Variants in SNX25 observed in about 807,000 individuals in gnomAD.
The protein encoded by SNX25 is sorting nexin-25.
Under a neutral mutation model 113.7 loss-of-function variants are expected in SNX25, and 62 were observed. That is an observed-to-expected ratio of 0.55 (90% confidence interval 0.44 to 0.67). SNX25 has a LOEUF of 0.67. SNX25 is among the 30% of genes least tolerant of loss of function. SNX25 has a pLI of 0.00. For synonymous variants in SNX25, 421 were observed against 436.2 expected (o/e 0.97, Z 0.43); for missense variants, 1,014 against 1,161.0 (o/e 0.87, Z 1.84).
At chr4:185,240,081 G>A (rs548124673) in intron 1 of SNX25, among the ~76,000 whole-genome samples, 18 of 151,748 alleles carry the variant, frequency 1.2e-4, no homozygotes, top group East Asian at 3.9e-4. Context: ...ACAGGGTTGG[G>A]GGTAAGGTCA....
In SNX25 at chr4:185,253,941, G is replaced by T. The variant is rs181213735; in HGVS notation, c.515-4907G>T. Among the ~76,000 whole-genome samples, 8 of 152,324 alleles carry T rather than the reference G, an allele frequency of 5.3e-5. 1 individual carries two copies. The East Asian group carries it at 9.6e-4, about 18-fold the overall frequency. ...GCAAGGTCATTGTCAAAGTATAACA[G>T]AAATTTTATGGAGAACAGAACTTTT... is the stretch of plus-strand genomic sequence containing the variant. On this transcript the variant is annotated intron_variant, in intron 2 of 18. Coordinates refer to ENST00000652585, the MANE Select transcript of SNX25 (RefSeq NM_001378034.2).
chr4:185,292,165 T>C (rs1031797505), intron 6 of SNX25, among the ~76,000 whole-genome samples: 7 of 152,106 alleles, frequency 4.6e-5, no homozygotes, highest in Admixed American at 4.6e-4. Flanking sequence ...TAGCTGGAAC[T>C]GTATAGGTAG....
intron 1 of SNX25, among the ~76,000 whole-genome samples, chr4:185,211,190 C>G (rs2111468021): frequency 6.6e-6 from 1 of 152,306 alleles, no homozygotes; most frequent in South Asian, 2.1e-4. Flanking sequence ...GACCTGCTCA[C>G]TCCTTTATTT....
chr4:185,349,492 CT>C (rs2095305013), intron 13 of SNX25, among the ~76,000 whole-genome samples: 1 of 152,172 alleles, frequency 6.6e-6, no homozygotes, highest in African/African-American at 2.4e-5. Context: ...CCTCCATACC[CT>C]TTTTCATAAT....
rs11321386 is a variant in SNX25, at chr4:185,300,163, A to ATT, written c.1163-10459_1163-10458dup. Among the ~76,000 whole-genome samples the ATT allele has an allele frequency of 1.2e-4, 17 of 147,406 alleles. 1 individual carries two copies. The highest frequency in any genetic ancestry group is 2.2e-4 in the Non-Finnish European group (15 of 66,690). On this transcript the variant is annotated intron_variant, in intron 6 of 18. Transcript: ENST00000652585. ...GAATCATAACAATGTCCACTAGGAA[A>ATT]TTTTTTTTTTTTTTGAGGTGGAGCC... is the stretch of plus-strand genomic sequence containing the variant.
intron 1 of SNX25, among the ~76,000 whole-genome samples, chr4:185,230,690 C>A (rs1210152614): frequency 6.6e-6 from 1 of 152,076 alleles, no homozygotes; most frequent in Non-Finnish European, 1.5e-5. Flanking sequence ...TGAGCCACTG[C>A]GCCTGGCCCA....
intron 8 of SNX25, 94 bp downstream of exon 8, chr4:185,320,958 A>G (rs1418565544): frequency 1.8e-6 from 2 of 1,134,108 alleles, no homozygotes; most frequent in Non-Finnish European, 2.4e-6. Context: ...ATAAGTATAC[A>G]TTAAAAATAT....
intron 3 of SNX25, among the ~76,000 whole-genome samples, chr4:185,261,120 G>GTGTGTGTGTC (rs1325869693): frequency 0.011 from 1,161 of 103,384 alleles, 12 homozygotes; most frequent in African/African-American, 0.039. Flanking sequence ...GTCTCTGTGT[G>GTGTGTGTGTC]TGTGTGTGTG....
chr4:185,304,496 T>C (rs1469484651), intron 6 of SNX25, among the ~76,000 whole-genome samples: 2 of 152,198 alleles, frequency 1.3e-5, no homozygotes, highest in Non-Finnish European at 2.9e-5. Context: ...TAGCTGGGAT[T>C]ACAGGCATGC....
intron 6 of SNX25, among the ~76,000 whole-genome samples, chr4:185,288,907 A>G (rs1751756243): frequency 6.6e-6 from 1 of 152,208 alleles, no homozygotes; most frequent in Admixed American, 6.5e-5. Context: ...GGCCTGCTCA[A>G]GTCTCCGCCA....
chr4:185,212,323 A>C (rs1357019136), intron 1 of SNX25, among the ~76,000 whole-genome samples: 2 of 149,946 alleles, frequency 1.3e-5, no homozygotes, highest in African/African-American at 4.9e-5. Context: ...TAAATTTTTT[A>C]AGTGCATTAG....
intron 6 of SNX25, among the ~76,000 whole-genome samples, chr4:185,301,241 T>C (rs1161583710): frequency 6.6e-6 from 1 of 152,234 alleles, no homozygotes; most frequent in African/African-American, 2.4e-5. Flanking sequence ...GCCTATCCAT[T>C]GAAGCCTCCA....
At chr4:185,205,453 C>CAAA (rs1161922728), upstream of SNX25, among the ~76,000 whole-genome samples, 6 of 127,464 alleles carry the variant, frequency 4.7e-5, no homozygotes, top group African/African-American at 1.1e-4. Flanking sequence ...GACTGTGTCT[C>CAAA]AAAAAAAAAA....
At chr4:185,301,151 TG>T (rs1208888892) in intron 6 of SNX25, among the ~76,000 whole-genome samples, 4 of 152,192 alleles carry the variant, frequency 2.6e-5, no homozygotes, top group Non-Finnish European at 5.9e-5. Context: ...CGGGCCTTGC[TG>T]GGTGTCCTCC....
At chr4:185,375,660 G>C in the SNX25 span, 1 of 1,611,860 alleles carries the variant, frequency 6.2e-7, no homozygotes. Context: ...ACTCCTAGCT[G>C]GTAAGTTGCT....
upstream of SNX25, among the ~76,000 whole-genome samples, chr4:185,208,698 A>G (rs548184085): frequency 1.3e-5 from 2 of 152,178 alleles, no homozygotes; most frequent in Non-Finnish European, 1.5e-5. Context: ...ACTGCACTCC[A>G]GCCTGGGCAA....
At chr4:185,373,137 G>A (rs1429772019), downstream of SNX25, 11 of 1,453,226 alleles carry the variant, frequency 7.6e-6, no homozygotes, top group Non-Finnish European at 1.1e-5. Flanking sequence ...AATTATAAGG[G>A]AATACTAGAC....
intron 5 of SNX25, among the ~76,000 whole-genome samples, chr4:185,269,906 C>T (rs1748670306): frequency 6.6e-6 from 1 of 152,158 alleles, no homozygotes; most frequent in Non-Finnish European, 1.5e-5. Flanking sequence ...TGATCTACCA[C>T]TGGTTCTCTA....
intron 1 of SNX25, among the ~76,000 whole-genome samples, chr4:185,229,492 C>T (rs1405073690): frequency 6.6e-6 from 1 of 152,126 alleles, no homozygotes; most frequent in Non-Finnish European, 1.5e-5. Context: ...CCCAGAAGTT[C>T]TCTGGTAAAA....
Sources: gnomAD v4.1 joint callset for allele counts (sites outside exome capture counted in the v4.1 genomes callset) on GRCh38, gnomAD v4.1.1 for gene constraint, MANE v1.5 for transcripts, NCBI Gene and HGNC (gene_info 2026-07-23, HGNC 2026-07-21) for gene names.